The following NRG3 variants were observed in gnomAD, a reference collection of about 807,000 sequenced individuals.
The protein encoded by NRG3 is pro-neuregulin-3, membrane-bound isoform.
NRG3 carries 31 observed loss-of-function variants against 66.9 expected under a neutral mutation model. The ratio of observed to expected loss-of-function variants is 0.46; its 90% CI spans 0.35 to 0.63. The LOEUF (loss-of-function observed/expected upper bound fraction) is 0.63, where lower values mean the gene tolerates loss of function less well. Among genes scored for constraint, NRG3 ranks in the 20% least tolerant of loss-of-function variants. The pLI is 0.00. For synonymous variants in NRG3, 393 were observed against 359.4 expected (o/e 1.09, Z -1.06); for missense variants, 910 against 878.9 (o/e 1.04, Z -0.45).
chr10:82,427,988 T>C (rs2089555002), intron 2 of NRG3, among the ~76,000 whole-genome samples: 2 of 152,196 alleles, frequency 1.3e-5, no homozygotes, highest in African/African-American at 2.4e-5. Context: ...TTTAATTTGC[T>C]AACAACAGTT....
chr10:82,917,915 T>G (rs1204805103), intron 4 of NRG3, among the ~76,000 whole-genome samples: 1 of 150,550 alleles, frequency 6.6e-6, no homozygotes, highest in East Asian at 1.9e-4. Flanking sequence ...AAATTGTATT[T>G]TTATATATAC....
chr10:82,316,358 T>TG (rs2081296203), intron 1 of NRG3, among the ~76,000 whole-genome samples: 1 of 152,034 alleles, frequency 6.6e-6, no homozygotes, highest in South Asian at 2.1e-4. Flanking sequence ...ATTTGTTTTG[T>TG]CCCCCAGTGA....
chr10:82,336,632 C>T (rs542138472), intron 1 of NRG3, among the ~76,000 whole-genome samples: 2 of 151,832 alleles, frequency 1.3e-5, no homozygotes, highest in South Asian at 4.2e-4. Flanking sequence ...AAGCGATTCT[C>T]CTGCCTCAGC....
chr10:81,937,548 A>G (rs1847998710), intron 1 of NRG3, among the ~76,000 whole-genome samples: 1 of 152,104 alleles, frequency 6.6e-6, no homozygotes, highest in African/African-American at 2.4e-5. Flanking sequence ...CCATTTGGAT[A>G]TCTTCTTTGG....
At chr10:82,500,219 A>G (rs975536676) in intron 2 of NRG3, among the ~76,000 whole-genome samples, 4 of 152,138 alleles carry the variant, frequency 2.6e-5, no homozygotes, top group African/African-American at 9.7e-5. Flanking sequence ...ATTACCCTGA[A>G]ATCTTACAAT....
intron 1 of NRG3, among the ~76,000 whole-genome samples, chr10:81,932,610 G>T (rs1312440075): frequency 2.0e-5 from 3 of 152,116 alleles, no homozygotes; most frequent in African/African-American, 7.2e-5. Context: ...AATGTACTCT[G>T]CAGGTTGTAT....
chr10:82,139,398 A>G (rs1329747282), intron 1 of NRG3, among the ~76,000 whole-genome samples: 1 of 152,172 alleles, frequency 6.6e-6, no homozygotes, highest in Non-Finnish European at 1.5e-5. Flanking sequence ...ATTTGTGCTT[A>G]ATGCCATTAT....
At chr10:82,463,085 T>G (rs1176419767) in intron 2 of NRG3, among the ~76,000 whole-genome samples, 4 of 152,166 alleles carry the variant, frequency 2.6e-5, no homozygotes, top group African/African-American at 9.7e-5. Flanking sequence ...ATTGGATGTA[T>G]CCAGAAACTG....
chr10:82,979,229 G>A (rs1659544596), intron 8 of NRG3, 109 bp downstream of exon 8: 2 of 1,118,870 alleles, frequency 1.8e-6, no homozygotes, highest in African/African-American at 1.5e-5. Context: ...TTCATTAACT[G>A]GCTATATATG....
chr10:82,566,243 G>T (rs976456183), intron 2 of NRG3, among the ~76,000 whole-genome samples: 2 of 151,928 alleles, frequency 1.3e-5, no homozygotes, highest in Non-Finnish European at 2.9e-5. Flanking sequence ...TTGTTTGTTT[G>T]CTTGTTAAGT....
intron 2 of NRG3, among the ~76,000 whole-genome samples, chr10:82,508,437 A>G (rs1259262918): frequency 3.9e-5 from 6 of 152,240 alleles, no homozygotes; most frequent in African/African-American, 9.6e-5. Flanking sequence ...AAACAACTGT[A>G]GTAAAATTAA....
In NRG3 at chr10:82,985,383, A is replaced by G; in HGVS notation, c.1869A>G (p.Glu623=). 1 of 1,614,166 alleles carries G rather than the reference A, an allele frequency of 6.2e-7. No homozygotes were observed. Among genetic ancestry groups the G allele is most frequent in the Non-Finnish European group, 8.5e-7 (1 of 1,179,996 alleles). Residue 623 remains glutamate (E), a synonymous_variant, in exon 9 of 9, where the codon GAA becomes GAG. Transcript: ENST00000372141. ...SIPVSDCLIA[E]QQEVKILLET... is the part of the protein sequence containing the mutation. ...CAGTCAGCGATTGTCTTATAGCAGA[A>G]CAACAAGAAGTGAAAATATTGCTAG... is the stretch of plus-strand genomic sequence containing the variant.
intron 5 of NRG3, among the ~76,000 whole-genome samples, chr10:82,951,831 C>T (rs775734764): frequency 2.0e-4 from 31 of 152,262 alleles, no homozygotes; most frequent in East Asian, 9.7e-4. Flanking sequence ...TCAGTGACCA[C>T]GAACATTCTA....
chr10:82,590,120 T>C (rs2046896408), intron 2 of NRG3, among the ~76,000 whole-genome samples: 1 of 152,194 alleles, frequency 6.6e-6, no homozygotes, highest in Non-Finnish European at 1.5e-5. Context: ...TTGAATTTGA[T>C]GTCCCAATTA....
chr10:82,588,393 C>T (rs2046793153), intron 2 of NRG3, among the ~76,000 whole-genome samples: 1 of 152,166 alleles, frequency 6.6e-6, no homozygotes, highest in Admixed American at 6.5e-5. Flanking sequence ...ATATGACATG[C>T]TTGCTCCCCC....
intron 2 of NRG3, among the ~76,000 whole-genome samples, chr10:82,734,178 G>T (rs1291443869): frequency 6.6e-6 from 1 of 152,142 alleles, no homozygotes; most frequent in African/African-American, 2.4e-5. Flanking sequence ...TGGCTCAATT[G>T]TTGCCTTTTA....
At chr10:82,331,305 G>A (rs970105243) in intron 1 of NRG3, among the ~76,000 whole-genome samples, 1 of 152,278 alleles carries the variant, frequency 6.6e-6, no homozygotes, top group Non-Finnish European at 1.5e-5. Flanking sequence ...CATAAAAAGG[G>A]ACCATTTCCA....
chr10:82,450,028 A>G (rs1391560364), intron 2 of NRG3, among the ~76,000 whole-genome samples: 2 of 152,200 alleles, frequency 1.3e-5, no homozygotes, highest in Non-Finnish European at 1.5e-5. Flanking sequence ...TATTTCTGCA[A>G]GAGGATGCAT....
At position 82,985,649 on chromosome 10, in the gene NRG3, G is replaced by T; in HGVS notation, c.*44G>T. On this transcript the variant is annotated 3_prime_UTR_variant, in exon 9 of 9. Transcript: ENST00000372141. ...GTGCATTCTATGCTTTGCTCAACAG[G>T]AAAGAGAGGAAATCAAATACAAATT... 1 of 1,552,440 alleles carries T rather than the reference G, an allele frequency of 6.4e-7. No individual in the cohort carries two copies. The highest frequency in any genetic ancestry group is 8.6e-7 in the Non-Finnish European group (1 of 1,156,936).
Sources: allele counts gnomAD v4.1 joint callset (sites outside exome capture counted in the v4.1 genomes callset), GRCh38; gene constraint gnomAD v4.1.1; transcripts MANE v1.5; gene names NCBI Gene and HGNC (gene_info 2026-07-23, HGNC 2026-07-21).